The following ARHGAP18 variants were observed in gnomAD, a reference collection of about 807,000 sequenced individuals.
The protein encoded by ARHGAP18 is Rho GTPase activating protein 18.
Under a neutral mutation model 86.2 loss-of-function variants are expected in ARHGAP18, and 67 were observed. The ratio of observed to expected loss-of-function variants is 0.78; its 90% CI spans 0.64 to 0.95. The LOEUF is 0.95. Ranked by LOEUF, ARHGAP18 falls within the 40% of genes least tolerant of loss-of-function variation. The pLI, the probability that ARHGAP18 is intolerant of heterozygous loss-of-function variation, is 0.00. For missense variants in ARHGAP18, 691 were observed against 780.4 expected (o/e 0.89, Z 1.37); for synonymous variants, 283 against 280.4 (o/e 1.01, Z -0.09).
chr6:129,635,430 C>G (rs1197521194), intron 3 of ARHGAP18, among the ~76,000 whole-genome samples: 1 of 152,230 alleles, frequency 6.6e-6, no homozygotes, highest in Admixed American at 6.5e-5. Context: ...CCCAGCATCA[C>G]TTTAATCCCC....
intron 12 of ARHGAP18, among the ~76,000 whole-genome samples, chr6:129,596,101 G>A (rs1382224449): frequency 2.6e-5 from 4 of 152,108 alleles, no homozygotes; most frequent in Non-Finnish European, 5.9e-5. Context: ...ACAGCCTAAG[G>A]AATCATTTTA....
At chr6:129,651,380 A>G (rs1166669396) in intron 1 of ARHGAP18, among the ~76,000 whole-genome samples, 4 of 152,060 alleles carry the variant, frequency 2.6e-5, no homozygotes, top group Non-Finnish European at 5.9e-5. Context: ...GTTTCGGCTC[A>G]GAGTTTTTTT....
In ARHGAP18 at chr6:129,629,490, G is replaced by T; in HGVS notation, c.649C>A (p.Leu217Met). The part of the protein sequence containing the change: ...EASNLVGEEK[L>M]IPPEETPAPE... ...GCAGGCGTCTCCTCAGGTGGGATCA[G>T]CTTCTCTTCACCAACAAGGTTAGAT... is the stretch of plus-strand genomic sequence containing the variant. The change falls in exon 5 of 15, where the codon CTG (leucine) becomes ATG (methionine). Residue 217 changes from leucine to methionine, a missense_variant. Physicochemically the swap from Leu to Met is conservative, Grantham distance 15. Coordinates refer to ENST00000368149, the MANE Select transcript of ARHGAP18 (RefSeq NM_033515.3). 6.2e-7 allele frequency: 1 copy of T among 1,613,426 alleles called. No homozygotes were observed. Among genetic ancestry groups the T allele is most frequent in the Non-Finnish European group, 8.5e-7 (1 of 1,179,716 alleles).
chr6:129,599,129 C>A, intron 12 of ARHGAP18, 87 bp downstream of exon 12: 1 of 1,153,286 alleles, frequency 8.7e-7, no homozygotes, highest in Non-Finnish European at 1.1e-6. Context: ...GGCAGAAAGT[C>A]ATACTATGAA....
intron 5 of ARHGAP18, among the ~76,000 whole-genome samples, chr6:129,627,517 CAAAAG>C (rs1346599138): frequency 1.3e-5 from 2 of 151,716 alleles, no homozygotes; most frequent in African/African-American, 4.8e-5. Context: ...TAATAAGAAA[CAAAAG>C]AACATATTAA....
intron 3 of ARHGAP18, among the ~76,000 whole-genome samples, chr6:129,634,785 C>T (rs186182966): frequency 1.3e-5 from 2 of 151,952 alleles, no homozygotes; most frequent in South Asian, 2.1e-4. Flanking sequence ...CTGAATTGTG[C>T]ACTTTAAGTG....
chr6:129,685,420 T>C (rs1390811219), intron 1 of ARHGAP18, among the ~76,000 whole-genome samples: 1 of 151,634 alleles, frequency 6.6e-6, no homozygotes, highest in Non-Finnish European at 1.5e-5. Context: ...GCTAGGAGAA[T>C]CACTTAAACC....
chr6:129,583,940 A>C (rs756978563), intron 13 of ARHGAP18, 48 bp downstream of exon 13: 1 of 1,578,088 alleles, frequency 6.3e-7, no homozygotes, highest in African/African-American at 1.4e-5. Context: ...AGAGAGAGAG[A>C]GCAAGTGACT....
rs750337026 is a variant in ARHGAP18 at position 129,611,523 on chromosome 6, C to T, written c.1122+10G>A. The T allele has an allele frequency of 3.6e-5, 58 of 1,611,322 alleles. No individual in the cohort carries two copies. The highest frequency in any genetic ancestry group is 4.9e-5 in the Non-Finnish European group (58 of 1,177,818). On this transcript the variant is annotated intron_variant, in intron 8 of 14. Transcript: ENST00000368149. ...ATAAAATGTTTACATTAGTAGAACC[C>T]AGAGATTACCTTGATTCTAATGGCA...
chr6:129,597,587 C>T (rs1232347844), intron 12 of ARHGAP18, among the ~76,000 whole-genome samples: 1 of 152,072 alleles, frequency 6.6e-6, no homozygotes, highest in Non-Finnish European at 1.5e-5. Flanking sequence ...GAGCTACATC[C>T]CTTCTATATG....
At chr6:129,685,570 C>G (rs10872344) in intron 1 of ARHGAP18, among the ~76,000 whole-genome samples, 1 of 151,946 alleles carries the variant, frequency 6.6e-6, no homozygotes, top group Admixed American at 6.5e-5. Flanking sequence ...ATAAAGCACA[C>G]AATACCAGGC....
At chr6:129,640,007 T>C (rs1289078327) in intron 2 of ARHGAP18, among the ~76,000 whole-genome samples, 1 of 138,226 alleles carries the variant, frequency 7.2e-6, no homozygotes, top group African/African-American at 2.8e-5. Context: ...ATTGTGCCAC[T>C]GTACTCCAGC....
chr6:129,626,974 G>T (rs1789489574), intron 5 of ARHGAP18, among the ~76,000 whole-genome samples: 1 of 152,064 alleles, frequency 6.6e-6, no homozygotes, highest in African/African-American at 2.4e-5. Context: ...CCTGATCATA[G>T]TCACAAAAGT....
chr6:129,594,459 T>G (rs549625700), intron 12 of ARHGAP18, among the ~76,000 whole-genome samples: 5 of 152,230 alleles, frequency 3.3e-5, no homozygotes, highest in African/African-American at 1.2e-4. Context: ...CCCCTAGAGA[T>G]CTCTCTTTGT....
intron 1 of ARHGAP18, among the ~76,000 whole-genome samples, chr6:129,653,724 TA>T (rs535263378): frequency 1.3e-5 from 2 of 151,750 alleles, no homozygotes; most frequent in Non-Finnish European, 2.9e-5. Flanking sequence ...GCAAGCAGCC[TA>T]AAAGATACAT....
At chr6:129,646,779 T>G (rs781308184) in intron 1 of ARHGAP18, among the ~76,000 whole-genome samples, 1 of 152,198 alleles carries the variant, frequency 6.6e-6, no homozygotes, top group Non-Finnish European at 1.5e-5. Flanking sequence ...CTCCACTGTA[T>G]TCTCATGAGA....
intron 1 of ARHGAP18, among the ~76,000 whole-genome samples, chr6:129,673,662 C>T (rs750748616): frequency 2.0e-5 from 3 of 152,130 alleles, no homozygotes; most frequent in Non-Finnish European, 2.9e-5. Flanking sequence ...TTTTCATGCA[C>T]TTATTTTTAC....
chr6:129,631,857 C>A (rs1243650072), intron 4 of ARHGAP18, among the ~76,000 whole-genome samples: 1 of 151,570 alleles, frequency 6.6e-6, no homozygotes, highest in Non-Finnish European at 1.5e-5. Flanking sequence ...ATTATTGGGG[C>A]ATTATTAATA....
chr6:129,667,853 A>G (rs1774071502), intron 1 of ARHGAP18, among the ~76,000 whole-genome samples: 1 of 152,172 alleles, frequency 6.6e-6, no homozygotes, highest in Admixed American at 6.5e-5. Context: ...AGAATTGAAA[A>G]TCAAGAAGGG....
Sources: gnomAD v4.1 joint callset for allele counts (sites outside exome capture counted in the v4.1 genomes callset) on GRCh38, gnomAD v4.1.1 for gene constraint, MANE v1.5 for transcripts, NCBI Gene and HGNC (gene_info 2026-07-23, HGNC 2026-07-21) for gene names.